Variants in RGS7BP observed in about 807,000 individuals in gnomAD.
The protein encoded by RGS7BP is regulator of G protein signaling 7 binding protein, also known as regulator of G protein signaling 7-binding protein.
RGS7BP carries 9 observed loss-of-function variants against 31.3 expected under a neutral mutation model. That is an observed-to-expected ratio of 0.29 (90% CI 0.17 to 0.50). RGS7BP has a LOEUF of 0.50. Among genes scored for constraint, RGS7BP ranks in the 20% least tolerant of loss-of-function variants. The pLI is 0.98. For synonymous variants in RGS7BP, 115 were observed against 120.1 expected, an observed-to-expected ratio of 0.96 and a Z score of 0.28; for missense variants, 274 against 322.0, an observed-to-expected ratio of 0.85 and a Z score of 1.14.
At chr5:64,528,786 G>T (rs1749296592) in intron 2 of RGS7BP, among the ~76,000 whole-genome samples, 1 of 139,810 alleles carries the variant, frequency 7.2e-6, no homozygotes, top group Non-Finnish European at 1.5e-5. Context: ...ACTCCAGCCT[G>T]GGCGACAGAG....
intron 2 of RGS7BP, among the ~76,000 whole-genome samples, chr5:64,511,223 A>G (rs1481551417): frequency 6.6e-6 from 1 of 152,372 alleles, no homozygotes; most frequent in Non-Finnish European, 1.5e-5. Flanking sequence ...CTGTTTAAGA[A>G]GGCCATCTCC....
intron 2 of RGS7BP, among the ~76,000 whole-genome samples, chr5:64,545,039 G>T (rs1408543403): frequency 6.6e-6 from 1 of 151,948 alleles, no homozygotes; most frequent in African/African-American, 2.4e-5. Context: ...AGCCGGGTGT[G>T]GTGGTGGGCA....
Position 64,575,178 on chromosome 5 carries a change from G to A in RGS7BP, c.333-596G>A, listed in dbSNP as rs542222006. Among the ~76,000 whole-genome samples, 176 of 152,122 alleles carry A rather than the reference G, an allele frequency of 1.2e-3. 1 individual carries two copies. The highest frequency in any genetic ancestry group is 4.1e-3 in the African/African-American group (172 of 41,520). ...TGTTTATTTAGCTTTAGATTGTTAA[G>A]TATAATTATTAGAATTTTATTACTT... On this transcript the variant is annotated intron_variant, in intron 2 of 5. Coordinates refer to ENST00000334025, the MANE Select transcript of RGS7BP (RefSeq NM_001029875.3).
intron 1 of RGS7BP, 30 bp from the exon 2 acceptor site, chr5:64,507,681 T>TAAAAA: frequency 7.7e-7 from 1 of 1,296,176 alleles, no homozygotes; most frequent in Non-Finnish European, 1.0e-6. Context: ...AAATGTTTGG[T>TAAAAA]AAAAAAAAAA....
intron 5 of RGS7BP, among the ~76,000 whole-genome samples, chr5:64,600,671 G>A (rs1743194930): frequency 6.6e-6 from 1 of 152,210 alleles, no homozygotes; most frequent in Non-Finnish European, 1.5e-5. Context: ...TCAGAAGGAA[G>A]TGGTGCAGTA....
In RGS7BP at chr5:64,521,814, G is replaced by A. The variant is rs371361443; in HGVS notation, c.332+13937G>A. On this transcript the variant is annotated intron_variant, in intron 2 of 5. Transcript: ENST00000334025. ...GAATTGTGCATCAAAAACATTTTGC[G>A]TTTGTGTAATTTTTTTCTAATAAAT... 2.4e-4 allele frequency among the ~76,000 whole-genome samples: 37 copies of A among 152,216 alleles called. No homozygotes were observed. The South Asian group carries it at 3.1e-3, about 13-fold the overall frequency.
chr5:64,539,956 C>T (rs376398187), intron 2 of RGS7BP, among the ~76,000 whole-genome samples: 28 of 152,096 alleles, frequency 1.8e-4, no homozygotes, highest in African/African-American at 6.0e-4. Flanking sequence ...ATCTGTTCTT[C>T]GTTCAACTGA....
At chr5:64,587,755 T>A (rs1226608402) in intron 3 of RGS7BP, among the ~76,000 whole-genome samples, 1 of 152,176 alleles carries the variant, frequency 6.6e-6, no homozygotes, top group African/African-American at 2.4e-5. Context: ...ATAGGGGTTG[T>A]AAACAGGAAA....
chr5:64,550,833 T>C (rs1350699437), intron 2 of RGS7BP, among the ~76,000 whole-genome samples: 1 of 151,088 alleles, frequency 6.6e-6, no homozygotes, highest in African/African-American at 2.5e-5. Context: ...ATGCGGTGTT[T>C]GGTTTTTTGT....
At chr5:64,556,172 T>C (rs1741918283) in intron 2 of RGS7BP, among the ~76,000 whole-genome samples, 1 of 152,106 alleles carries the variant, frequency 6.6e-6, no homozygotes, top group African/African-American at 2.4e-5. Context: ...TTTGTGTTTT[T>C]ATTTTTCTTA....
At chr5:64,543,103 T>G (rs1415923663) in intron 2 of RGS7BP, among the ~76,000 whole-genome samples, 1 of 152,214 alleles carries the variant, frequency 6.6e-6, no homozygotes, top group African/African-American at 2.4e-5. Flanking sequence ...GGAATCTATC[T>G]ACAAAAGAAA....
intron 2 of RGS7BP, among the ~76,000 whole-genome samples, chr5:64,574,387 T>C (rs1742369687): frequency 6.6e-6 from 1 of 152,004 alleles, no homozygotes; most frequent in Non-Finnish European, 1.5e-5. Flanking sequence ...AAGGCATCTA[T>C]GGGAGGATGC....
At chr5:64,557,790 C>G (rs945191115) in intron 2 of RGS7BP, among the ~76,000 whole-genome samples, 3 of 152,114 alleles carry the variant, frequency 2.0e-5, no homozygotes, top group African/African-American at 7.2e-5. Flanking sequence ...ATTTGGGACT[C>G]TTTGTTAACT....
intron 2 of RGS7BP, among the ~76,000 whole-genome samples, chr5:64,565,461 G>C (rs115382875): frequency 0.021 from 3,208 of 151,748 alleles, 49 homozygotes; most frequent in South Asian, 0.043. Context: ...CCCTTTCTAC[G>C]TATCTGCATA....
At chr5:64,534,831 T>A (rs2111792080) in intron 2 of RGS7BP, among the ~76,000 whole-genome samples, 1 of 152,320 alleles carries the variant, frequency 6.6e-6, no homozygotes, top group East Asian at 1.9e-4. Flanking sequence ...TTTAAAACTT[T>A]CGGACTGGAT....
chr5:64,523,677 T>C lies in RGS7BP; in HGVS notation c.332+15800T>C, dbSNP rs540456658. Among the ~76,000 whole-genome samples the C allele has an allele frequency of 5.3e-5, 8 of 152,284 alleles. No individual in the cohort carries two copies. In the East Asian group the frequency reaches 9.6e-4, roughly 18 times the overall value. ...TGTCACATAATTAAAATAAAAAGAA[T>C]ACACCAAATATTGAGAAAAAAGGAA... On this transcript the variant is annotated intron_variant, in intron 2 of 5. Transcript: ENST00000334025.
At chr5:64,598,311 A>C (rs1743129093) in intron 4 of RGS7BP, 54 bp from the exon 5 acceptor site, 1 of 1,028,838 alleles carries the variant, frequency 9.7e-7, no homozygotes, top group African/African-American at 1.6e-5. Flanking sequence ...ATTGTTTGAG[A>C]TTTCATTTTG....
chr5:64,587,936 G>A (rs944978520), intron 3 of RGS7BP, among the ~76,000 whole-genome samples: 4 of 152,110 alleles, frequency 2.6e-5, no homozygotes, highest in Non-Finnish European at 5.9e-5. Context: ...TAGACAGACA[G>A]AGGTCCTGAA....
At chr5:64,538,706 G>A (rs113348577) in intron 2 of RGS7BP, among the ~76,000 whole-genome samples, 1 of 139,366 alleles carries the variant, frequency 7.2e-6, no homozygotes, top group African/African-American at 2.5e-5. Flanking sequence ...ACAGGCACCC[G>A]CACCATGCCC....
Sources: gnomAD v4.1 joint callset for allele counts (sites outside exome capture counted in the v4.1 genomes callset) on GRCh38, gnomAD v4.1.1 for gene constraint, MANE v1.5 for transcripts, NCBI Gene and HGNC (gene_info 2026-07-23, HGNC 2026-07-21) for gene names.